The following MEI4 variants were observed in gnomAD, a reference collection of about 807,000 sequenced individuals.
The protein encoded by MEI4 is meiotic double-stranded break formation protein 4.
In MEI4, 27 loss-of-function variants were observed where a neutral mutation model predicts 31.4. That is an observed-to-expected ratio of 0.86 (90% CI 0.63 to 1.19). MEI4 has a LOEUF of 1.19. MEI4 is among the 50% of genes most tolerant of loss of function. MEI4 has a pLI of 0.00. For synonymous variants in MEI4, 122 were observed against 145.4 expected (o/e 0.84, Z 1.16); for missense variants, 329 against 398.9 (o/e 0.82, Z 1.49).
chr6:77,882,849 T>G (rs942092464), intron 4 of MEI4, among the ~76,000 whole-genome samples: 1 of 152,226 alleles, frequency 6.6e-6, no homozygotes, highest in African/African-American at 2.4e-5. Flanking sequence ...AGAAAGAATG[T>G]AACACTCTTC....
intron 3 of MEI4, among the ~76,000 whole-genome samples, chr6:77,767,576 A>C (rs1210099295): frequency 6.6e-6 from 1 of 151,886 alleles, no homozygotes; most frequent in Admixed American, 6.6e-5. Context: ...GCACACCTGT[A>C]GTCCCAGCTA....
intron 4 of MEI4, among the ~76,000 whole-genome samples, chr6:77,866,802 C>G (rs550704413): frequency 4.6e-5 from 7 of 152,284 alleles, no homozygotes; most frequent in Admixed American, 1.3e-4. Context: ...GGAGGCATCA[C>G]GCTACCTGAC....
At chr6:77,686,106 T>G (rs1404341888) in intron 1 of MEI4, among the ~76,000 whole-genome samples, 1 of 152,254 alleles carries the variant, frequency 6.6e-6, no homozygotes, top group South Asian at 2.1e-4. Flanking sequence ...ACTAGCTCCC[T>G]GTGCCTTCTA....
intron 4 of MEI4, among the ~76,000 whole-genome samples, chr6:77,856,798 C>T (rs1174096326): frequency 6.6e-6 from 1 of 152,124 alleles, no homozygotes; most frequent in African/African-American, 2.4e-5. Context: ...TCATCTTATC[C>T]ACCTACCTAA....
chr6:77,757,118 G>A (rs1293577501), intron 2 of MEI4, among the ~76,000 whole-genome samples: 1 of 152,212 alleles, frequency 6.6e-6, no homozygotes, highest in African/African-American at 2.4e-5. Context: ...ATCAAGCTGA[G>A]CTTCGTTTCC....
At chr6:77,712,415 G>C (rs1248694126) in intron 2 of MEI4, among the ~76,000 whole-genome samples, 1 of 152,068 alleles carries the variant, frequency 6.6e-6, no homozygotes, top group Non-Finnish European at 1.5e-5. Flanking sequence ...TTTAAAGAAA[G>C]TAGTAGACAC....
In MEI4 at chr6:77,870,720, C is replaced by T. The variant is rs371283653; in HGVS notation, c.900+41658C>T. Among the ~76,000 whole-genome samples, 1,391 of 152,108 alleles carry T rather than the reference C, an allele frequency of 9.1e-3. 17 individuals carry two copies. Among genetic ancestry groups the T allele is most frequent in the African/African-American group, 0.031 (1,287 of 41,482 alleles). ...TACATTCTCAGTGAAGCTTGATATG[C>T]TGGTTTTCATCAGGTAGTTCCATTA... On this transcript the variant is annotated intron_variant, in intron 4 of 4. Coordinates refer to ENST00000684080, the MANE Select transcript of MEI4 (RefSeq NM_001322247.2).
At chr6:77,792,853 C>T (rs1286550434) in intron 3 of MEI4, among the ~76,000 whole-genome samples, 2 of 152,014 alleles carry the variant, frequency 1.3e-5, no homozygotes, top group Non-Finnish European at 2.9e-5. Flanking sequence ...GCTGGGACTA[C>T]AGGTGCACGC....
At chr6:77,710,790 T>C (rs777227298) in intron 2 of MEI4, among the ~76,000 whole-genome samples, 1 of 152,154 alleles carries the variant, frequency 6.6e-6, no homozygotes, top group Non-Finnish European at 1.5e-5. Context: ...GGGTCTGGAC[T>C]GAGACATGAT....
intron 2 of MEI4, among the ~76,000 whole-genome samples, chr6:77,709,528 A>G (rs1245611422): frequency 1.3e-5 from 2 of 152,194 alleles, no homozygotes; most frequent in East Asian, 3.8e-4. Context: ...TTTCACAAAT[A>G]CTAGTTGGTG....
intron 2 of MEI4, among the ~76,000 whole-genome samples, chr6:77,720,515 A>T (rs1766687337): frequency 7.4e-6 from 1 of 135,640 alleles, no homozygotes; most frequent in South Asian, 2.3e-4. Flanking sequence ...GTGAATAAGT[A>T]TCAACTGTTA....
chr6:77,787,880 C>A (rs1015651605), intron 3 of MEI4, among the ~76,000 whole-genome samples: 1 of 152,078 alleles, frequency 6.6e-6, no homozygotes. Context: ...GGTGGATAAG[C>A]TTTTTGATGT....
At chr6:77,811,367 A>T (rs866178775) in intron 3 of MEI4, among the ~76,000 whole-genome samples, 1 of 152,216 alleles carries the variant, frequency 6.6e-6, no homozygotes, top group Non-Finnish European at 1.5e-5. Context: ...ACTATCTAGC[A>T]TAATGAACTG....
chr6:77,774,835 C>A (rs1487758456), intron 3 of MEI4, among the ~76,000 whole-genome samples: 2 of 151,922 alleles, frequency 1.3e-5, no homozygotes, highest in Non-Finnish European at 2.9e-5. Flanking sequence ...TCTATGGCTG[C>A]TGTAACAAAT....
chr6:77,776,485 A>G (rs1413792172), intron 3 of MEI4, among the ~76,000 whole-genome samples: 1 of 152,110 alleles, frequency 6.6e-6, no homozygotes, highest in African/African-American at 2.4e-5. Flanking sequence ...GGCTTCCTTC[A>G]GGCTTCTGGG....
At chr6:77,700,294 G>A (rs1271777622) in intron 2 of MEI4, among the ~76,000 whole-genome samples, 1 of 152,188 alleles carries the variant, frequency 6.6e-6, no homozygotes, top group Non-Finnish European at 1.5e-5. Flanking sequence ...CTGGGCAGTG[G>A]CAGGTGCCCC....
intron 4 of MEI4, among the ~76,000 whole-genome samples, chr6:77,873,784 A>T (rs1771259395): frequency 6.6e-6 from 1 of 152,174 alleles, no homozygotes; most frequent in South Asian, 2.1e-4. Context: ...TTTTTGTATA[A>T]GGTGTAAGGA....
intron 2 of MEI4, among the ~76,000 whole-genome samples, chr6:77,750,603 C>A (rs2874335): frequency 0.14 from 20,910 of 152,038 alleles, 1,507 homozygotes; most frequent in Middle Eastern, 0.21. Context: ...AGTACAGGAG[C>A]ACCCAGAGTC....
At chr6:77,905,707 A>G (rs1381551904) in intron 4 of MEI4, among the ~76,000 whole-genome samples, 2 of 151,386 alleles carry the variant, frequency 1.3e-5, no homozygotes, top group Admixed American at 6.6e-5. Context: ...TGTGTTAGCC[A>G]GGATGGTCTT....
Sources: allele counts gnomAD v4.1 joint callset (sites outside exome capture counted in the v4.1 genomes callset), GRCh38; gene constraint gnomAD v4.1.1; transcripts MANE v1.5; gene names NCBI Gene and HGNC (gene_info 2026-07-23, HGNC 2026-07-21).